Variants in ROS1 observed in about 807,000 individuals in gnomAD.
ROS1 encodes the protein proto-oncogene tyrosine-protein kinase ROS.
ROS1 carries 263 observed loss-of-function variants against 273.5 expected under a neutral mutation model. The observed-to-expected ratio is 0.96, with a 90% confidence interval of 0.87 to 1.06. ROS1 has a LOEUF of 1.06. Among genes scored for constraint, ROS1 ranks in the 50% least tolerant of loss-of-function variants. ROS1 has a pLI of 0.00. For missense variants in ROS1, 2,833 were observed against 2,751.1 expected (o/e 1.03, Z -0.67); for synonymous variants, 1,008 against 954.1 (o/e 1.06, Z -1.04).
chr6:117,416,520 T>TTCTTGTTCTACCTGCAG (rs1775347982), intron 2 of ROS1, among the ~76,000 whole-genome samples: 1 of 152,216 alleles, frequency 6.6e-6, no homozygotes, highest in East Asian at 1.9e-4. Context: ...ACAAGTCTTG[T>TTCTTGTTCTACCTGCAG]GGCTCACTGC....
At chr6:117,304,941 C>A (rs1774994557) in intron 42 of ROS1, among the ~76,000 whole-genome samples, 3 of 152,086 alleles carry the variant, frequency 2.0e-5, no homozygotes, top group Admixed American at 2.0e-4. Context: ...CCTGTTCTGG[C>A]CATGGGAAAG....
intron 37 of ROS1, among the ~76,000 whole-genome samples, chr6:117,318,866 G>T (rs761905044): frequency 3.9e-5 from 6 of 152,116 alleles, no homozygotes; most frequent in Admixed American, 1.3e-4. Context: ...TTGGAACAAT[G>T]AGGCAGCAAG....
At chr6:117,312,449 C>A (rs1775615622) in intron 39 of ROS1, among the ~76,000 whole-genome samples, 2 of 152,110 alleles carry the variant, frequency 1.3e-5, no homozygotes, top group Non-Finnish European at 2.9e-5. Context: ...ACCTTACTCC[C>A]AAATCAATAT....
Position 117,387,964 on chromosome 6 carries a change from A to C in ROS1, c.1815T>G (p.Tyr605Ter). Residue 605 changes from tyrosine to a stop codon, truncating the protein, a stop_gained, in exon 14 of 44, where the codon TAT (tyrosine) becomes TAG (stop). Transcript: ENST00000368507. LOFTEE classifies it high-confidence loss of function. ...ASPSAWQNWT[Y>*]EVKVSTQDPP... ...GGTCTTGGGTGGATACTTTCACCTC[A>C]TAGGTCCAGTTCTGCCAGGCAGAAG... The C allele has an allele frequency of 6.2e-7, 1 of 1,614,178 alleles. No homozygotes were observed. Among genetic ancestry groups the C allele is most frequent in the Non-Finnish European group, 8.5e-7 (1 of 1,179,976 alleles).
chr6:117,369,863 A>G lies in ROS1; in HGVS notation c.2583-3573T>C, dbSNP rs78095705. 4.9e-3 allele frequency among the ~76,000 whole-genome samples: 750 copies of G among 152,262 alleles called. 2 individuals carry two copies. The highest frequency in any genetic ancestry group is 8.5e-3 in the Non-Finnish European group (579 of 68,004). On this transcript the variant is annotated intron_variant, in intron 18 of 43. Coordinates refer to ENST00000368507, the MANE Select transcript of ROS1 (RefSeq NM_001378902.1). Reference sequence around the variant, plus strand: ...TTATAGGCATTATGTGTGTGTGTGTATATATATGGATATATACATAAATAT... The same window carrying G: ...TTATAGGCATTATGTGTGTGTGTGTGTATATATGGATATATACATAAATAT...
chr6:117,351,244 A>T, intron 27 of ROS1, among the ~76,000 whole-genome samples: 1 of 152,088 alleles, frequency 6.6e-6, no homozygotes, highest in Admixed American at 6.5e-5. Context: ...CCCCCACCCC[A>T]CTTAGGTGGG....
At chr6:117,296,329 A>AG (rs960189698) in intron 43 of ROS1, among the ~76,000 whole-genome samples, 1 of 151,900 alleles carries the variant, frequency 6.6e-6, no homozygotes, top group African/African-American at 2.4e-5. Context: ...TGAAACTGAA[A>AG]GGGGGAGGTT....
intron 18 of ROS1, among the ~76,000 whole-genome samples, chr6:117,375,907 T>C (rs1448987360): frequency 6.6e-6 from 1 of 152,130 alleles, no homozygotes; most frequent in Non-Finnish European, 1.5e-5. Context: ...ACAACTAATA[T>C]AGACCTTGAA....
chr6:117,394,753 A>G lies in ROS1; in HGVS notation c.884-15T>C. On this transcript the variant is annotated splice_polypyrimidine_tract_variant and intron_variant, in intron 9 of 43. Transcript: ENST00000368507. Reference sequence around the variant, plus strand: ...CTCTTGTTGAACTGAAAAAAACAACACAATTTGCAGACAGGTAGACCAACC... The same window carrying G: ...CTCTTGTTGAACTGAAAAAAACAACGCAATTTGCAGACAGGTAGACCAACC... 3.1e-6 allele frequency: 5 copies of G among 1,603,764 alleles called. No individual in the cohort carries two copies. The highest frequency in any genetic ancestry group is 1.7e-4 in the Middle Eastern group (1 of 5,992).
At chr6:117,414,166 G>A (rs1031886686) in intron 4 of ROS1, among the ~76,000 whole-genome samples, 2 of 152,102 alleles carry the variant, frequency 1.3e-5, no homozygotes, top group Non-Finnish European at 2.9e-5. Context: ...ATCTCTGAAT[G>A]TGCCTCTTCC....
intron 16 of ROS1, among the ~76,000 whole-genome samples, chr6:117,384,580 C>A (rs1263340224): frequency 6.6e-6 from 1 of 152,154 alleles, no homozygotes; most frequent in East Asian, 1.9e-4. Flanking sequence ...AAAATTATTT[C>A]AATACCTTAT....
In ROS1 at chr6:117,389,730, A is replaced by G. The variant is rs754120533; in HGVS notation, c.1406T>C (p.Ile469Thr). The G allele has an allele frequency of 6.2e-7, 1 of 1,613,666 alleles. No individual in the cohort carries two copies. The highest frequency in any genetic ancestry group is 8.5e-7 in the Non-Finnish European group (1 of 1,179,930). ...VESCTLKDFAIKPQAKRIIYF... is the reference protein window; with the variant it reads ...VESCTLKDFATKPQAKRIIYF... Reference sequence around the variant, plus strand: ...AATGATTCGCTTGGCTTGTGGCTTGATTGCAAAGTCCTTTAACGTGCAACT... The same window carrying G: ...AATGATTCGCTTGGCTTGTGGCTTGGTTGCAAAGTCCTTTAACGTGCAACT... Residue 469 changes from isoleucine to threonine, a missense_variant, in exon 13 of 44, where the codon ATC (isoleucine) becomes ACC (threonine). Ile to Thr is a moderately conservative substitution (Grantham distance 89). Coordinates refer to ENST00000368507, the MANE Select transcript of ROS1 (RefSeq NM_001378902.1).
At chr6:117,408,402 A>C (rs946523811) in intron 5 of ROS1, among the ~76,000 whole-genome samples, 6 of 152,250 alleles carry the variant, frequency 3.9e-5, no homozygotes, top group African/African-American at 1.4e-4. Context: ...AAGTGGGCGA[A>C]GGATACGAAC....
At position 117,288,728 on chromosome 6, in the gene ROS1, C is replaced by T. The variant is rs1302341778; in HGVS notation, c.6790G>A (p.Glu2264Lys). The T allele has an allele frequency of 6.2e-7, 1 of 1,614,080 alleles. No homozygotes were observed. Among genetic ancestry groups the T allele is most frequent in the Non-Finnish European group, 8.5e-7 (1 of 1,179,988 alleles). The change falls in exon 44 of 44, where the codon GAA becomes AAA. Residue 2264 changes from glutamate (E) to lysine (K), a missense_variant. By Grantham distance (56) the Glu-to-Lys change is moderately conservative. Coordinates refer to ENST00000368507, the MANE Select transcript of ROS1 (RefSeq NM_001378902.1). ...GCAAGTACCATATAGTTTAACCCTTCTCGGTTCTTCGTTTCCATTAAAGCA... is the reference window on the plus strand; with the variant it reads ...GCAAGTACCATATAGTTTAACCCTTTTCGGTTCTTCGTTTCCATTAAAGCA... ...PVALMETKNR[E>K]GLNYMVLATE...
chr6:117,350,295 A>G lies in ROS1; in HGVS notation c.4303+2695T>C, dbSNP rs574839736. ...TAGTGTTTTTTTCTCTCAACATTTT[A>G]AATATTTTACTTTTCTCTCTTCTTG... On this transcript the variant is annotated intron_variant, in intron 27 of 43. Transcript: ENST00000368507. 2.0e-4 allele frequency among the ~76,000 whole-genome samples: 30 copies of G among 152,058 alleles called. 1 individual carries two copies. Among genetic ancestry groups the G allele is most frequent in the Non-Finnish European group, 1.3e-4 (9 of 67,922 alleles).
intron 21 of ROS1, among the ~76,000 whole-genome samples, chr6:117,363,890 C>T (rs1280826061): frequency 6.6e-6 from 1 of 152,086 alleles, no homozygotes; most frequent in Non-Finnish European, 1.5e-5. Flanking sequence ...CTTGTTAAAT[C>T]TTCCCATATC....
intron 32 of ROS1, among the ~76,000 whole-genome samples, chr6:117,336,580 G>A (rs1171586155): frequency 6.6e-6 from 1 of 151,968 alleles, no homozygotes; most frequent in East Asian, 1.9e-4. Flanking sequence ...ATGTTGACGG[G>A]CATTTGGGTT....
intron 42 of ROS1, 40 bp from the exon 43 acceptor site, chr6:117,301,177 G>T: frequency 1.3e-6 from 2 of 1,501,036 alleles, no homozygotes; most frequent in South Asian, 1.4e-5. Flanking sequence ...AATAGCAATT[G>T]GATATAATTA....
At chr6:117,359,429 T>C (rs1242734273) in intron 24 of ROS1, among the ~76,000 whole-genome samples, 3 of 152,180 alleles carry the variant, frequency 2.0e-5, no homozygotes, top group Non-Finnish European at 2.9e-5. Context: ...ACAAATCTAG[T>C]AAGTAGTAGA....
Sources: allele counts gnomAD v4.1 joint callset (sites outside exome capture counted in the v4.1 genomes callset), GRCh38; gene constraint gnomAD v4.1.1; transcripts MANE v1.5; gene names NCBI Gene and HGNC (gene_info 2026-07-23, HGNC 2026-07-21).